Variants in GNB1 observed in about 807,000 individuals in gnomAD.
The protein encoded by GNB1 is G protein subunit beta 1.
A neutral mutation model predicts 42.9 loss-of-function variants in GNB1; 2 were observed. The ratio of observed to expected loss-of-function variants is 0.05; its 90% CI spans 0.02 to 0.15. The LOEUF (loss-of-function observed/expected upper bound fraction) is 0.15, where lower values mean the gene tolerates loss of function less well. GNB1 is among the 10% of genes least tolerant of loss of function. The pLI is 1.00. For missense variants in GNB1, 193 were observed against 462.2 expected, an observed-to-expected ratio of 0.42 and a Z score of 5.34; for synonymous variants, 183 against 174.7, an observed-to-expected ratio of 1.05 and a Z score of -0.38.
At chr1:1,849,660 C>T (rs1293227875) in intron 1 of GNB1, among the ~76,000 whole-genome samples, 1 of 152,146 alleles carries the variant, frequency 6.6e-6, no homozygotes, top group Non-Finnish European at 1.5e-5. Context: ...CTCAGTCTCC[C>T]AAAGTGCTGG....
At chr1:1,801,211 A>T (rs1017860530) in intron 7 of GNB1, among the ~76,000 whole-genome samples, 1 of 152,154 alleles carries the variant, frequency 6.6e-6, no homozygotes, top group African/African-American at 2.4e-5. Context: ...TATTTTTAGT[A>T]GACACGGGGT....
chr1:1,826,671 C>G (rs1647003803), intron 2 of GNB1, among the ~76,000 whole-genome samples: 1 of 152,150 alleles, frequency 6.6e-6, no homozygotes, highest in African/African-American at 2.4e-5. Flanking sequence ...GCCCTGGGAT[C>G]CCAGGAGGCT....
At chr1:1,827,672 G>A (rs1647017988) in intron 2 of GNB1, among the ~76,000 whole-genome samples, 1 of 152,182 alleles carries the variant, frequency 6.6e-6, no homozygotes, top group Admixed American at 6.5e-5. Context: ...TGGATGCCTT[G>A]TGCTTTGCAT....
At chr1:1,859,459 G>C (rs1648490411) in intron 1 of GNB1, among the ~76,000 whole-genome samples, 2 of 152,152 alleles carry the variant, frequency 1.3e-5, no homozygotes, top group Admixed American at 1.3e-4. Context: ...AGCAGCCTGG[G>C]CAACAGAGGG....
rs139305809 is a variant in GNB1 at position 1,864,230 on chromosome 1, G to A, written c.-95-24992C>T. ...CCCAGCTATTCAGGAGGCTGAGGCA[G>A]AGAGTTGCTTGGGAGGCGGAGGTTG... On this transcript the variant is annotated intron_variant, in intron 1 of 11. Transcript: ENST00000378609. 2.3e-3 allele frequency among the ~76,000 whole-genome samples: 329 copies of A among 145,086 alleles called. 1 individual carries two copies. The highest frequency in any genetic ancestry group is 7.9e-3 in the African/African-American group (315 of 39,984).
chr1:1,822,706 G>A (rs572611006), intron 3 of GNB1, among the ~76,000 whole-genome samples: 2 of 152,144 alleles, frequency 1.3e-5, no homozygotes. Context: ...TGTGCAAGAA[G>A]GCCCTGGGGA....
At chr1:1,834,920 A>G (rs6603798) in intron 2 of GNB1, among the ~76,000 whole-genome samples, 126,654 of 151,902 alleles carry the variant, frequency 0.83, 54,689 homozygotes, top group Non-Finnish European at 0.95. Flanking sequence ...CGCCCACCTC[A>G]GCCTCCCAAA....
At chr1:1,869,275 C>T (rs909262499) in intron 1 of GNB1, among the ~76,000 whole-genome samples, 2 of 151,716 alleles carry the variant, frequency 1.3e-5, no homozygotes, top group East Asian at 1.9e-4. Flanking sequence ...CAGTCCACTG[C>T]TCCTTTATGT....
chr1:1,886,095 G>A (rs368703495), intron 1 of GNB1, among the ~76,000 whole-genome samples: 3 of 151,504 alleles, frequency 2.0e-5, no homozygotes, highest in African/African-American at 7.3e-5. Flanking sequence ...GCAGATCACC[G>A]GAGGTCAGGA....
chr1:1,795,194 G>A (rs1646530349), intron 7 of GNB1, among the ~76,000 whole-genome samples: 1 of 152,170 alleles, frequency 6.6e-6, no homozygotes, highest in Non-Finnish European at 1.5e-5. Flanking sequence ...GTAGTGCCCT[G>A]CAGCTTGCTG....
chr1:1,800,768 AAAAG>A (rs1557887124), intron 7 of GNB1, among the ~76,000 whole-genome samples: 2 of 151,924 alleles, frequency 1.3e-5, no homozygotes, highest in Admixed American at 1.3e-4. Flanking sequence ...AAAAAAAAAA[AAAAG>A]AAAAATAAAT....
rs556327533 is a variant in GNB1 at position 1,882,359 on chromosome 1, C to T, written c.-96+8461G>A. On this transcript the variant is annotated intron_variant, in intron 1 of 11. Transcript: ENST00000378609. Reference sequence around the variant, plus strand: ...AGGAGAAGCGCCTGAACCTGGGAGGCGGAGGTTGCAGTGAGCCGAAATCGT... The same window carrying T: ...AGGAGAAGCGCCTGAACCTGGGAGGTGGAGGTTGCAGTGAGCCGAAATCGT... Among the ~76,000 whole-genome samples the T allele has an allele frequency of 1.2e-4, 15 of 130,354 alleles. No individual in the cohort carries two copies. The South Asian group carries it at 3.6e-3, about 31-fold the overall frequency. The allele number at this position is 130,354 out of a possible 152,430, so 85.5% of individuals were successfully genotyped here.
At chr1:1,870,702 A>G (rs1410893926) in intron 1 of GNB1, among the ~76,000 whole-genome samples, 2 of 152,216 alleles carry the variant, frequency 1.3e-5, no homozygotes, top group Non-Finnish European at 2.9e-5. Flanking sequence ...TGGGAGGCAG[A>G]GGTGAGTGGA....
intron 1 of GNB1, among the ~76,000 whole-genome samples, chr1:1,882,704 C>T (rs1445164572): frequency 5.9e-5 from 9 of 152,020 alleles, no homozygotes; most frequent in African/African-American, 2.2e-4. Flanking sequence ...AGGCAGATCA[C>T]GAGGTCAGGA....
Position 1,890,922 on chromosome 1 carries a change from G to A in GNB1, c.-198C>T, listed in dbSNP as rs1018050826. ...GCGCTGCGCGCTCCGCGGGCGCTGC[G>A]GGCAGGTGCGCGCCGGCGAGGCTCG... On this transcript the variant is annotated 5_prime_UTR_variant, in exon 1 of 12. Coordinates refer to ENST00000378609, the MANE Select transcript of GNB1 (RefSeq NM_002074.5). 3.4e-5 allele frequency: 5 copies of A among 147,108 alleles called. No homozygotes were observed. The highest frequency in any genetic ancestry group is 3.4e-4 in the Admixed American group (5 of 14,764). The allele number at this position is 147,108 out of a possible 1,614,324, so 9.1% of individuals were successfully genotyped here.
chr1:1,844,883 A>G (rs1406597461), intron 1 of GNB1, among the ~76,000 whole-genome samples: 1 of 152,226 alleles, frequency 6.6e-6, no homozygotes. Flanking sequence ...TATATTCCGG[A>G]AAACATCCAG....
intron 5 of GNB1, among the ~76,000 whole-genome samples, chr1:1,810,667 CTTTT>C (rs376897222): frequency 0.033 from 5,003 of 150,124 alleles, 115 homozygotes; most frequent in Non-Finnish European, 0.053. Flanking sequence ...ATGTAGTTTT[CTTTT>C]TTGTTTGTTT....
rs888273416 is a variant in GNB1, at chr1:1,891,014, C to CCCGCCGCCG, written c.-299_-291dup. 1.8e-4 allele frequency: 27 copies of CCCGCCGCCG among 153,280 alleles called. No individual in the cohort carries two copies. The highest frequency in any genetic ancestry group is 5.2e-4 in the South Asian group (3 of 5,716). The allele number at this position is 153,280 out of a possible 1,614,324, so 9.5% of individuals were successfully genotyped here. On this transcript the variant is annotated 5_prime_UTR_variant, in exon 1 of 12. Transcript: ENST00000378609. ...TCCCCACTCGCCGCCCGCTCCCGCT[C>CCCGCCGCCG]CCGCCGCCGCCGCCGCCGCCTCCGT...
chr1:1,830,948 G>A (rs913362717), intron 2 of GNB1, among the ~76,000 whole-genome samples: 2 of 152,166 alleles, frequency 1.3e-5, no homozygotes, highest in Non-Finnish European at 2.9e-5. Context: ...TGGATCACCT[G>A]AGGTTAGGAG....
Sources: allele counts gnomAD v4.1 joint callset (sites outside exome capture counted in the v4.1 genomes callset), GRCh38; gene constraint gnomAD v4.1.1; transcripts MANE v1.5; gene names NCBI Gene and HGNC (gene_info 2026-07-23, HGNC 2026-07-21).